The following PLS1 variants were observed in gnomAD, a reference collection of about 807,000 sequenced individuals.
PLS1 encodes plastin 1.
A neutral mutation model predicts 73.7 loss-of-function variants in PLS1; 32 were observed. That is an observed-to-expected ratio of 0.43 (90% CI 0.33 to 0.58). The LOEUF (loss-of-function observed/expected upper bound fraction) is 0.58. Among genes scored for constraint, PLS1 ranks in the 20% least tolerant of loss-of-function variants. The pLI, the probability that PLS1 is intolerant of heterozygous loss-of-function variation, is 0.04. For missense variants in PLS1, 633 were observed against 740.5 expected (o/e 0.85, Z 1.68); for synonymous variants, 217 against 261.3 (o/e 0.83, Z 1.63).
intron 12 of PLS1, among the ~76,000 whole-genome samples, chr3:142,703,573 G>C (rs993111587): frequency 6.6e-6 from 1 of 152,150 alleles, no homozygotes; most frequent in Admixed American, 6.5e-5. Flanking sequence ...TAGGATTACA[G>C]GCGTAAGCGA....
intron 1 of PLS1, among the ~76,000 whole-genome samples, chr3:142,634,391 C>A (rs2036631807): frequency 6.6e-6 from 1 of 152,074 alleles, no homozygotes; most frequent in Admixed American, 6.6e-5. Flanking sequence ...TTTAAATCCA[C>A]TGATAAGGAT....
chr3:142,622,750 G>A lies in PLS1; in HGVS notation c.-37+26241G>A, dbSNP rs117504513. Among the ~76,000 whole-genome samples, 589 of 152,226 alleles carry A rather than the reference G, an allele frequency of 3.9e-3. 25 individuals carry two copies. In the East Asian group the frequency reaches 0.073, roughly 19 times the overall value. ...CCGTGGGGCATCTTCTGGTTTTAACGCTGTATAATACTATAACATGTTTTC... is the reference window on the plus strand; with the variant it reads ...CCGTGGGGCATCTTCTGGTTTTAACACTGTATAATACTATAACATGTTTTC... On this transcript the variant is annotated intron_variant, in intron 1 of 15. Coordinates refer to ENST00000457734, the MANE Select transcript of PLS1 (RefSeq NM_001145319.2).
intron 1 of PLS1, among the ~76,000 whole-genome samples, chr3:142,637,466 A>G (rs1196785037): frequency 6.6e-6 from 1 of 152,194 alleles, no homozygotes; most frequent in Non-Finnish European, 1.5e-5. Context: ...GACAGTTTCA[A>G]ATATGTTCTA....
intron 1 of PLS1, among the ~76,000 whole-genome samples, chr3:142,599,306 G>T (rs2035870213): frequency 6.7e-6 from 1 of 150,366 alleles, no homozygotes; most frequent in Admixed American, 6.6e-5. Context: ...ATTGTATAGA[G>T]GAGGGACTCA....
intron 1 of PLS1, among the ~76,000 whole-genome samples, chr3:142,617,029 G>T (rs1240535586): frequency 6.6e-6 from 1 of 152,044 alleles, no homozygotes; most frequent in Non-Finnish European, 1.5e-5. Context: ...CCATTGCCCA[G>T]TTAGCCACTA....
chr3:142,616,681 C>T (rs1461092147), intron 1 of PLS1, among the ~76,000 whole-genome samples: 1 of 152,144 alleles, frequency 6.6e-6, no homozygotes, highest in African/African-American at 2.4e-5. Flanking sequence ...CAGCTCACTG[C>T]AACCACTGTC....
intron 14 of PLS1, among the ~76,000 whole-genome samples, chr3:142,710,782 C>T (rs1368882611): frequency 3.9e-5 from 6 of 152,104 alleles, no homozygotes. Context: ...TGGTAAAAAT[C>T]AGTTCAGACC....
chr3:142,642,305 G>C (rs1234404247), intron 1 of PLS1, among the ~76,000 whole-genome samples: 3 of 151,652 alleles, frequency 2.0e-5, no homozygotes, highest in Non-Finnish European at 4.4e-5. Context: ...CCTTTTATTG[G>C]GAGATTTACC....
At chr3:142,603,067 G>C (rs1242224294) in intron 1 of PLS1, among the ~76,000 whole-genome samples, 1 of 152,196 alleles carries the variant, frequency 6.6e-6, no homozygotes, top group Non-Finnish European at 1.5e-5. Flanking sequence ...GGGAGAAAGA[G>C]ACATTTGTGC....
intron 1 of PLS1, among the ~76,000 whole-genome samples, chr3:142,633,825 G>A (rs563530702): frequency 5.9e-5 from 9 of 152,252 alleles, no homozygotes; most frequent in African/African-American, 2.2e-4. Flanking sequence ...GGCATGCAAT[G>A]AAGCAGGAAA....
chr3:142,620,918 T>C (rs962970968), intron 1 of PLS1, among the ~76,000 whole-genome samples: 2 of 152,120 alleles, frequency 1.3e-5, no homozygotes, highest in African/African-American at 4.8e-5. Context: ...CTAGAGAGGC[T>C]GAGGCAGAAG....
intron 1 of PLS1, among the ~76,000 whole-genome samples, chr3:142,617,913 C>T (rs990220036): frequency 2.0e-5 from 3 of 152,038 alleles, no homozygotes; most frequent in East Asian, 3.9e-4. Context: ...AGGAGGCAGA[C>T]GTTGCAGTGA....
At chr3:142,604,861 G>C (rs1397179836) in intron 1 of PLS1, among the ~76,000 whole-genome samples, 1 of 151,952 alleles carries the variant, frequency 6.6e-6, no homozygotes, top group African/African-American at 2.4e-5. Context: ...CGTGAACCCG[G>C]GAGGCAGAGC....
At chr3:142,707,246 G>A (rs921874968) in intron 14 of PLS1, among the ~76,000 whole-genome samples, 3 of 152,120 alleles carry the variant, frequency 2.0e-5, no homozygotes, top group South Asian at 2.1e-4. Context: ...ACTACAGAAG[G>A]CATTATGTTT....
chr3:142,667,382 T>C (rs1253780459), intron 2 of PLS1, among the ~76,000 whole-genome samples: 1 of 152,040 alleles, frequency 6.6e-6, no homozygotes, highest in Non-Finnish European at 1.5e-5. Context: ...ACCACTGCAC[T>C]CCAGCCTGGC....
rs573475057 is a variant in PLS1 at position 142,669,255 on chromosome 3, G to GA, written c.71-129dup. 2.4e-4 allele frequency: 132 copies of GA among 553,756 alleles called. 1 individual carries two copies. The East Asian group carries it at 3.6e-3, about 15-fold the overall frequency. The allele number at this position is 553,756 out of a possible 1,614,324, so 34.3% of individuals were successfully genotyped here. On this transcript the variant is annotated intron_variant, in intron 2 of 15. Transcript: ENST00000457734. ...CATATTCTGTACAGTTCAGGTACAG[G>GA]AAAAAAGGTTACTGCCACCTGTGAA...
chr3:142,642,009 A>G (rs1244497587), intron 1 of PLS1, among the ~76,000 whole-genome samples: 1 of 152,014 alleles, frequency 6.6e-6, no homozygotes, highest in Non-Finnish European at 1.5e-5. Context: ...CCCTACTCTT[A>G]TGCAGCTTCC....
intron 1 of PLS1, among the ~76,000 whole-genome samples, chr3:142,662,128 G>A (rs955845005): frequency 2.2e-4 from 33 of 152,064 alleles, no homozygotes; most frequent in East Asian, 3.9e-4. Flanking sequence ...TGTTTATTGC[G>A]GCACTGTTCA....
chr3:142,650,842 G>T (rs1248371806), intron 1 of PLS1, among the ~76,000 whole-genome samples: 1 of 152,180 alleles, frequency 6.6e-6, no homozygotes, highest in Non-Finnish European at 1.5e-5. Flanking sequence ...AAGGCCTAAA[G>T]TGGCAGTAGG....
Sources: gnomAD v4.1 joint callset for allele counts (sites outside exome capture counted in the v4.1 genomes callset) on GRCh38, gnomAD v4.1.1 for gene constraint, MANE v1.5 for transcripts, NCBI Gene and HGNC (gene_info 2026-07-23, HGNC 2026-07-21) for gene names.